SYNE1: variants seen among roughly 807,000 people sequenced by gnomAD.
SYNE1 encodes spectrin repeat containing nuclear envelope protein 1.
Under a neutral mutation model 1,111.0 loss-of-function variants are expected in SYNE1, and 616 were observed. The ratio of observed to expected loss-of-function variants is 0.55; its 90% CI spans 0.52 to 0.59. The LOEUF (loss-of-function observed/expected upper bound fraction) is 0.59, where lower values mean the gene tolerates loss of function less well. SYNE1 is among the 20% of genes least tolerant of loss of function. The probability of loss-of-function intolerance (pLI) is 0.00; values close to 1 mark genes in which losing one functional copy is unlikely to be tolerated. For synonymous variants in SYNE1, 3,855 were observed against 3,825.8 expected (o/e 1.01, Z -0.28); for missense variants, 10,006 against 10,417.0 (o/e 0.96, Z 1.72).
intron 3 of SYNE1, among the ~76,000 whole-genome samples, chr6:152,567,636 G>C (rs1284422414): frequency 2.6e-5 from 4 of 152,070 alleles, no homozygotes; most frequent in Non-Finnish European, 4.4e-5. Context: ...CTATTCCAAT[G>C]CTAACTAGTT....
At chr6:152,132,037 T>C in intron 144 of SYNE1, 85 bp downstream of exon 144, 1 of 1,302,156 alleles carries the variant, frequency 7.7e-7, no homozygotes, top group South Asian at 1.2e-5. Flanking sequence ...GACGCCTGCC[T>C]GTGAACCCTG....
intron 137 of SYNE1, chr6:152,144,479 A>AGTGTGTGTGTGTGT (rs537809180): frequency 2.9e-5 from 3 of 104,174 alleles, no homozygotes; most frequent in African/African-American, 9.5e-5. Context: ...AAAATTACTG[A>AGTGTGTGTGTGTGT]GAGTGTGTGT....
intron 32 of SYNE1, among the ~76,000 whole-genome samples, chr6:152,440,660 C>T (rs146972935): frequency 6.7e-5 from 10 of 149,638 alleles, no homozygotes; most frequent in South Asian, 4.2e-4. Context: ...CTCTGCCTCC[C>T]GGGTTCAAGC....
chr6:152,147,316 C>A (rs778445150), intron 137 of SYNE1: 1 of 152,258 alleles, frequency 6.6e-6, no homozygotes, highest in Non-Finnish European at 1.5e-5. Flanking sequence ...GCTGAATATG[C>A]CCTTCTCCCT....
intron 60 of SYNE1, 145 bp from the exon 61 acceptor site, chr6:152,369,272 G>A: frequency 7.4e-7 from 1 of 1,342,444 alleles, no homozygotes; most frequent in Non-Finnish European, 1.0e-6. Context: ...ACACACCGTG[G>A]AGCACAAATC....
At chr6:152,517,765 G>A (rs1406132993) in intron 6 of SYNE1, among the ~76,000 whole-genome samples, 1 of 152,064 alleles carries the variant, frequency 6.6e-6, no homozygotes, top group Non-Finnish European at 1.5e-5. Flanking sequence ...TAAGAAAGAC[G>A]GGGATATATG....
Position 152,139,909 on chromosome 6 carries a change from C to T in SYNE1, c.25458+41G>A, listed in dbSNP as rs774823524. ...ATCTGCACGGTCGTTCACGCGGTGGCTCTCTGTTTGTCCGCCGTGGGAAAG... is the reference window on the plus strand; with the variant it reads ...ATCTGCACGGTCGTTCACGCGGTGGTTCTCTGTTTGTCCGCCGTGGGAAAG... On this transcript the variant is annotated intron_variant, in intron 140 of 145. Transcript: ENST00000367255. The T allele has an allele frequency of 4.4e-6, 7 of 1,577,510 alleles. No individual in the cohort carries two copies. In the Admixed American group the frequency reaches 7.2e-5, roughly 16 times the overall value.
Position 152,391,340 on chromosome 6 carries a change from C to T in SYNE1, c.7941G>A (p.Leu2647=). 1 of 1,614,118 alleles carries T rather than the reference C, an allele frequency of 6.2e-7. No homozygotes were observed. The highest frequency in any genetic ancestry group is 8.5e-7 in the Non-Finnish European group (1 of 1,180,008). The change falls in exon 52 of 146, where the codon CTG becomes CTA. Residue 2647 remains leucine (L), a synonymous_variant. Coordinates refer to ENST00000367255, the MANE Select transcript of SYNE1 (RefSeq NM_182961.4). The stretch of plus-strand genomic sequence containing the variant: ...TCCCAAGAGTGCTCTCTGCACAGGC[C>T]AGTCTGTCCTGAATGGCCTTCACCC... ...WFWVKAIQDR[L]ACAESTLGSK...
intron 137 of SYNE1, chr6:152,144,784 A>G (rs910674235): frequency 4.6e-5 from 7 of 153,062 alleles, no homozygotes; most frequent in African/African-American, 1.7e-4. Context: ...CCCCGCCGAC[A>G]TCCCACATCA....
chr6:152,569,618 G>A (rs1292643683), intron 3 of SYNE1, among the ~76,000 whole-genome samples: 1 of 152,106 alleles, frequency 6.6e-6, no homozygotes, highest in South Asian at 2.1e-4. Context: ...GAAAAAATGG[G>A]TCATAAGCAG....
chr6:152,374,366 A>G (rs4870102), intron 58 of SYNE1, among the ~76,000 whole-genome samples: 76,426 of 152,084 alleles, frequency 0.5, 19,340 homozygotes, highest in Non-Finnish European at 0.54. Flanking sequence ...ATATTTTGTC[A>G]TAGATTTTGA....
intron 101 of SYNE1, among the ~76,000 whole-genome samples, chr6:152,259,129 C>T (rs979033786): frequency 1.1e-4 from 16 of 152,136 alleles, no homozygotes; most frequent in Admixed American, 3.3e-4. Flanking sequence ...AGCCCATTCC[C>T]CATTGCAGCT....
chr6:152,130,674 C>T (rs543393657), intron 145 of SYNE1, 46 bp downstream of exon 145: 3 of 1,605,928 alleles, frequency 1.9e-6, no homozygotes, highest in South Asian at 1.1e-5. Context: ...TTTTCATCAT[C>T]CTCTTGGGGT....
chr6:152,595,191 A>G (rs889451025), intron 3 of SYNE1, among the ~76,000 whole-genome samples: 4 of 152,176 alleles, frequency 2.6e-5, no homozygotes, highest in African/African-American at 7.2e-5. Context: ...AGTAAATCTC[A>G]TCTGGATAAA....
intron 101 of SYNE1, among the ~76,000 whole-genome samples, chr6:152,258,992 G>A (rs140239757): frequency 2.7e-4 from 41 of 152,062 alleles, no homozygotes; most frequent in African/African-American, 9.6e-4. Context: ...TGATCCGCCC[G>A]CCTCAGCCTC....
rs374697325 is a variant in SYNE1, at chr6:152,330,733, T to A, written c.13952A>T (p.Gln4651Leu). Reference protein sequence around the residue: ...LSEKLNALPRQFNVIVALAKD... With the variant: ...LSEKLNALPRLFNVIVALAKD... ...AGCCAAGGCAACAATTACATTAAATTGTCGAGGCAAAGCATTTAGCTTTTC... is the reference window on the plus strand; with the variant it reads ...AGCCAAGGCAACAATTACATTAAATAGTCGAGGCAAAGCATTTAGCTTTTC... Residue 4651 changes from glutamine to leucine, a missense_variant, in exon 78 of 146, where the codon CAA becomes CTA. Physicochemically the swap from Gln to Leu is moderately radical, Grantham distance 113. Transcript: ENST00000367255. 1.5e-5 allele frequency: 24 copies of A among 1,613,942 alleles called. No individual in the cohort carries two copies. The highest frequency in any genetic ancestry group is 1.9e-5 in the Non-Finnish European group (23 of 1,180,040).
Position 152,264,685 on chromosome 6 carries a change from A to G in SYNE1, c.18816-2497T>C, listed in dbSNP as rs1589019077. Among the ~76,000 whole-genome samples, 9 of 152,298 alleles carry G rather than the reference A, an allele frequency of 5.9e-5. 1 individual carries two copies. In the South Asian group the frequency reaches 1.9e-3, roughly 32 times the overall value. Reference sequence around the variant, plus strand: ...CATGGTGGTACATGCCGGTAGTCCCAGCTACTTTGGAGGCTAAGGCAAGAA... The same window carrying G: ...CATGGTGGTACATGCCGGTAGTCCCGGCTACTTTGGAGGCTAAGGCAAGAA... On this transcript the variant is annotated intron_variant, in intron 100 of 145. Transcript: ENST00000367255.
At chr6:152,162,765 A>C (rs1158785636) in intron 131 of SYNE1, among the ~76,000 whole-genome samples, 2 of 152,236 alleles carry the variant, frequency 1.3e-5, no homozygotes, top group Non-Finnish European at 2.9e-5. Flanking sequence ...TAAATGTTTA[A>C]AGTGATAGAT....
intron 3 of SYNE1, among the ~76,000 whole-genome samples, chr6:152,592,827 C>A (rs140927630): frequency 6.6e-6 from 1 of 152,164 alleles, no homozygotes; most frequent in African/African-American, 2.4e-5. Context: ...TCATATCACA[C>A]CTTATATAAT....
Sources: gnomAD v4.1 joint callset for allele counts (sites outside exome capture counted in the v4.1 genomes callset) on GRCh38, gnomAD v4.1.1 for gene constraint, MANE v1.5 for transcripts, NCBI Gene and HGNC (gene_info 2026-07-23, HGNC 2026-07-21) for gene names.